The following RIMBP2 variants were observed in gnomAD, a reference collection of about 807,000 sequenced individuals.
The protein encoded by RIMBP2 is RIMS binding protein 2, also known as RIMS-binding protein 2.
RIMBP2 carries 48 observed loss-of-function variants against 118.6 expected under a neutral mutation model. The observed-to-expected ratio is 0.40, with a 90% CI of 0.32 to 0.51. The LOEUF (loss-of-function observed/expected upper bound fraction) is 0.51. Among genes scored for constraint, RIMBP2 ranks in the 20% least tolerant of loss-of-function variants. The pLI is 0.41. For synonymous variants in RIMBP2, 762 were observed against 742.9 expected, an observed-to-expected ratio of 1.03 and a Z score of -0.42; for missense variants, 1,551 against 1,768.3, an observed-to-expected ratio of 0.88 and a Z score of 2.20.
chr12:130,600,782 C>A (rs985122197), intron 2 of RIMBP2, among the ~76,000 whole-genome samples: 1 of 152,212 alleles, frequency 6.6e-6, no homozygotes, highest in South Asian at 2.1e-4. Flanking sequence ...ATGCTCCTGA[C>A]TGAAATTGGC....
intron 2 of RIMBP2, among the ~76,000 whole-genome samples, chr12:130,602,903 C>G (rs2059956799): frequency 6.6e-6 from 1 of 152,112 alleles, no homozygotes; most frequent in African/African-American, 2.4e-5. Context: ...AGGGGTCTAT[C>G]AGGAATAATT....
At chr12:130,516,041 T>C (rs147584629) in intron 3 of RIMBP2, among the ~76,000 whole-genome samples, 2 of 152,338 alleles carry the variant, frequency 1.3e-5, no homozygotes, top group Admixed American at 6.5e-5. Flanking sequence ...CTAGATCATA[T>C]GCAATTTTAT....
intron 1 of RIMBP2, chr12:130,660,370 G>A (rs551186200): frequency 3.5e-4 from 14 of 39,464 alleles, no homozygotes; most frequent in African/African-American, 8.0e-4. Flanking sequence ...GAATCTCATG[G>A]GAATCTCCTC....
At chr12:130,661,869 C>T (rs7953972) in intron 1 of RIMBP2, among the ~76,000 whole-genome samples, 82,567 of 151,920 alleles carry the variant, frequency 0.54, 23,051 homozygotes, top group Non-Finnish European at 0.62. Flanking sequence ...CCGGTCACGA[C>T]TGTGGAAATG....
chr12:130,635,035 A>G (rs1051042695), intron 1 of RIMBP2, among the ~76,000 whole-genome samples: 1 of 152,200 alleles, frequency 6.6e-6, no homozygotes, highest in African/African-American at 2.4e-5. Context: ...TAGCCAGGTG[A>G]CACAGCCCAG....
At chr12:130,709,168 C>T (rs1198686638) in intron 1 of RIMBP2, among the ~76,000 whole-genome samples, 4 of 152,384 alleles carry the variant, frequency 2.6e-5, no homozygotes, top group Middle Eastern at 3.4e-3. Flanking sequence ...CCAGAAGCCA[C>T]GATGCAGGAG....
intron 2 of RIMBP2, among the ~76,000 whole-genome samples, chr12:130,534,635 C>A (rs1353523575): frequency 1.3e-5 from 2 of 152,214 alleles, no homozygotes; most frequent in African/African-American, 4.8e-5. Flanking sequence ...TGGAAGCCAT[C>A]CTGGTGTGGC....
At position 130,710,696 on chromosome 12, in the gene RIMBP2, G is replaced by A. The variant is rs532894347; in HGVS notation, c.-352+5526C>T. On this transcript the variant is annotated intron_variant, in intron 1 of 22. Coordinates refer to ENST00000690449, the MANE Select transcript of RIMBP2 (RefSeq NM_001393629.1). The surrounding 1 kb of genome is among the most constrained non-coding windows in gnomAD (Gnocchi z 4.3). ...AGGAAGGACCTGTCCACACAGCTAG[G>A]CCAAGGAGAGAGCCCCCCTCATCTC... Among the ~76,000 whole-genome samples, 1 of 152,290 alleles carries A rather than the reference G, an allele frequency of 6.6e-6. No individual in the cohort carries two copies. Among genetic ancestry groups the A allele is most frequent in the African/African-American group, 2.4e-5 (1 of 41,574 alleles).
intron 2 of RIMBP2, among the ~76,000 whole-genome samples, chr12:130,529,895 T>C (rs1029191228): frequency 3.3e-5 from 5 of 152,086 alleles, no homozygotes; most frequent in Non-Finnish European, 7.3e-5. Context: ...GCTGATCTGA[T>C]AGAAGGCAGA....
At chr12:130,499,402 C>T (rs566150323) in intron 4 of RIMBP2, among the ~76,000 whole-genome samples, 1 of 152,320 alleles carries the variant, frequency 6.6e-6, no homozygotes, top group South Asian at 2.1e-4. Context: ...GATATAATTC[C>T]TTAAAAATTC....
intron 1 of RIMBP2, among the ~76,000 whole-genome samples, chr12:130,646,291 CTGCCTCTCCACCTCCCTCACCACT>C: frequency 1.5e-5 from 1 of 68,568 alleles, no homozygotes; most frequent in Non-Finnish European, 3.3e-5. Context: ...CCCTCACCAC[CTGCCTCTCCACCTCCCTCACCACT>C]TCCCTCTCCA....
At chr12:130,697,624 T>C (rs553661827) in intron 1 of RIMBP2, among the ~76,000 whole-genome samples, 1 of 152,232 alleles carries the variant, frequency 6.6e-6, no homozygotes, top group South Asian at 2.1e-4. Flanking sequence ...TTGTCCTTCC[T>C]AAATTGGATG....
intron 2 of RIMBP2, among the ~76,000 whole-genome samples, chr12:130,573,804 C>T (rs1401776756): frequency 6.6e-6 from 1 of 152,074 alleles, no homozygotes; most frequent in Non-Finnish European, 1.5e-5. Flanking sequence ...ATTTTGAAAG[C>T]GCTCTAGGCT....
chr12:130,566,728 C>A (rs1419431394), intron 2 of RIMBP2, among the ~76,000 whole-genome samples: 1 of 152,358 alleles, frequency 6.6e-6, no homozygotes, highest in Non-Finnish European at 1.5e-5. Context: ...GGCAGCCAGG[C>A]TGCTTCTAGG....
chr12:130,484,492 A>T (rs1005034741), intron 4 of RIMBP2, among the ~76,000 whole-genome samples: 1 of 152,196 alleles, frequency 6.6e-6, no homozygotes, highest in Non-Finnish European at 1.5e-5. Context: ...GAGCATCCTC[A>T]TCCCCAGTGC....
chr12:130,487,333 G>A (rs1212202562), intron 4 of RIMBP2, among the ~76,000 whole-genome samples: 1 of 151,822 alleles, frequency 6.6e-6, no homozygotes, highest in African/African-American at 2.4e-5. Context: ...CGGGGGCATA[G>A]CCCTCATGAA....
chr12:130,617,002 CCCT>C lies in RIMBP2; in HGVS notation c.-217+11317_-217+11319del, dbSNP rs1316646229. On this transcript the variant is annotated intron_variant, in intron 2 of 22. Transcript: ENST00000690449. The surrounding 1 kb of genome is among the most constrained non-coding windows in gnomAD (Gnocchi z 4.6). ...ACCTGAAGTTGGGGTGCAGGGGCCC[CCCT>C]CCTCCTCTGCAGAGGCCCCCATGTC... 5.3e-5 allele frequency among the ~76,000 whole-genome samples: 8 copies of C among 152,084 alleles called. No individual in the cohort carries two copies. Among genetic ancestry groups the C allele is most frequent in the Non-Finnish European group, 1.0e-4 (7 of 67,986 alleles).
At chr12:130,433,570 C>T (rs1370933851) in intron 14 of RIMBP2, among the ~76,000 whole-genome samples, 3 of 152,170 alleles carry the variant, frequency 2.0e-5, no homozygotes, top group Admixed American at 6.5e-5. Context: ...GGTGGGCTTT[C>T]GGATGACACA....
chr12:130,456,648 T>C lies in RIMBP2; in HGVS notation c.206A>G (p.Asn69Ser). The C allele has an allele frequency of 1.9e-6, 3 of 1,613,086 alleles. No individual in the cohort carries two copies. Among genetic ancestry groups the C allele is most frequent in the East Asian group, 2.2e-5 (1 of 44,860 alleles). The change falls in exon 7 of 23, where the codon AAC (asparagine) becomes AGC (serine). Residue 69 changes from asparagine (N) to serine (S), a missense_variant. Transcript: ENST00000690449. ...CTTCTCCAGGTCCCGGGACAGCAGG[T>C]TGAACTGCTCACTTTGAGTCCGGCA... The part of the protein sequence containing the change: ...EKCRTQSEQF[N>S]LLSRDLEKFR...
Sources: allele counts gnomAD v4.1 joint callset (sites outside exome capture counted in the v4.1 genomes callset), GRCh38; gene constraint gnomAD v4.1.1; non-coding constraint Gnocchi (gnomAD v3.1); transcripts MANE v1.5; gene names NCBI Gene and HGNC (gene_info 2026-07-23, HGNC 2026-07-21).